Variants in XPNPEP3 observed in about 807,000 individuals in gnomAD.
The protein encoded by XPNPEP3 is xaa-Pro aminopeptidase 3.
In XPNPEP3, 41 loss-of-function variants were observed where a neutral mutation model predicts 60.0. The observed-to-expected ratio is 0.68, with a 90% CI of 0.53 to 0.89. XPNPEP3 has a LOEUF of 0.89. XPNPEP3 is among the 40% of genes least tolerant of loss of function. The probability of loss-of-function intolerance (pLI) is 0.00; values close to 1 mark genes in which losing one functional copy is unlikely to be tolerated. For synonymous variants in XPNPEP3, 212 were observed against 223.2 expected (o/e 0.95, Z 0.45); for missense variants, 598 against 638.9 (o/e 0.94, Z 0.69).
chr22:40,896,953 T>A (rs1044611544), intron 4 of XPNPEP3, among the ~76,000 whole-genome samples: 1 of 152,158 alleles, frequency 6.6e-6, no homozygotes, highest in Admixed American at 6.6e-5. Flanking sequence ...AAGTTCATGT[T>A]GTAGCATTTT....
intron 4 of XPNPEP3, among the ~76,000 whole-genome samples, chr22:40,891,499 A>G (rs909298546): frequency 6.8e-6 from 1 of 146,060 alleles, no homozygotes; most frequent in African/African-American, 2.6e-5. Context: ...CTAAAAATAC[A>G]AAAATTAGCT....
intron 1 of XPNPEP3, chr22:40,861,263 G>C (rs1375675506): frequency 1.9e-6 from 3 of 1,614,006 alleles, no homozygotes; most frequent in African/African-American, 1.3e-5. Flanking sequence ...AATAGTTGTT[G>C]AATGACTGTG....
At chr22:40,910,471 A>C (rs1474907090) in intron 6 of XPNPEP3, among the ~76,000 whole-genome samples, 1 of 151,404 alleles carries the variant, frequency 6.6e-6, no homozygotes, top group Admixed American at 6.6e-5. Context: ...TGGGGAGGTC[A>C]AGGTGGGCAG....
rs1186672318 is a variant in XPNPEP3 at position 40,881,834 on chromosome 22, G to A, written c.246G>A (p.Leu82=). 1 of 1,614,170 alleles carries A rather than the reference G, an allele frequency of 6.2e-7. No homozygotes were observed. Among genetic ancestry groups the A allele is most frequent in the Admixed American group, 1.7e-5 (1 of 60,008 alleles). Residue 82 remains leucine, a synonymous_variant, in exon 3 of 10, where the codon CTG becomes CTA. Transcript: ENST00000357137. ...TTCGCAGACACAAACTAATGTCTCT[G>A]ATCCAGAAGGAAGCTCAAGGGCAGA... ...YALRRHKLMS[L]IQKEAQGQSG... is the part of the protein sequence containing the mutation.
chr22:40,917,247 A>G (rs184979459), intron 7 of XPNPEP3: 1 of 152,180 alleles, frequency 6.6e-6, no homozygotes, highest in Non-Finnish European at 1.5e-5. Flanking sequence ...GTTTTTGCAC[A>G]TTACCTAAGG....
At chr22:40,894,104 T>C (rs1601506506) in intron 4 of XPNPEP3, among the ~76,000 whole-genome samples, 1 of 152,110 alleles carries the variant, frequency 6.6e-6, no homozygotes, top group Non-Finnish European at 1.5e-5. Flanking sequence ...GGCCAGGAGT[T>C]AGAAGCTATA....
At chr22:40,888,335 C>T in intron 4 of XPNPEP3, 1 of 366,854 alleles carries the variant, frequency 2.7e-6, no homozygotes, top group African/African-American at 2.1e-5. Context: ...TCTCGACCTC[C>T]TGGGTTCAAG....
intron 4 of XPNPEP3, among the ~76,000 whole-genome samples, chr22:40,900,109 C>T (rs2058125911): frequency 6.6e-6 from 1 of 151,824 alleles, no homozygotes; most frequent in South Asian, 2.1e-4. Flanking sequence ...GTGACCTAAA[C>T]TTAAGAGCTC....
At chr22:40,920,002 T>G (rs929249813) in intron 7 of XPNPEP3, among the ~76,000 whole-genome samples, 16 of 152,188 alleles carry the variant, frequency 1.1e-4, no homozygotes, top group African/African-American at 3.6e-4. Flanking sequence ...TATATGATGT[T>G]CTAGATTTGG....
chr22:40,880,772 A>T (rs5751003), intron 2 of XPNPEP3, among the ~76,000 whole-genome samples: 3,522 of 148,916 alleles, frequency 0.024, 185 homozygotes, highest in East Asian at 0.2. Flanking sequence ...CCTGGGAGAT[A>T]GCGAGACTCC....
intron 7 of XPNPEP3, among the ~76,000 whole-genome samples, chr22:40,915,437 A>T (rs1197883472): frequency 2.6e-5 from 4 of 151,460 alleles, no homozygotes; most frequent in Non-Finnish European, 4.4e-5. Flanking sequence ...TAGCCTGGGA[A>T]TGGTACTCGG....
At chr22:40,901,732 TG>T (rs1165469694) in intron 4 of XPNPEP3, among the ~76,000 whole-genome samples, 3 of 152,126 alleles carry the variant, frequency 2.0e-5, no homozygotes, top group Non-Finnish European at 2.9e-5. Flanking sequence ...ACCAAAGTGC[TG>T]GGACTACAGG....
Position 40,869,036 on chromosome 22 carries a change from G to A in XPNPEP3, c.102G>A (p.Gln34=). The change falls in exon 2 of 10, where the codon CAG becomes CAA. Residue 34 remains glutamine, a synonymous_variant. Coordinates refer to ENST00000357137, the MANE Select transcript of XPNPEP3 (RefSeq NM_022098.4). The part of the protein sequence containing the change: ...MLCSQRRYSL[Q]PVPERRIPNR... ...GTTCACAGCGAAGGTACTCCCTTCA[G>A]CCTGTCCCAGAAAGGAGGATTCCAA... 6.2e-7 allele frequency: 1 copy of A among 1,614,082 alleles called. No homozygotes were observed. The highest frequency in any genetic ancestry group is 1.7e-5 in the Admixed American group (1 of 60,010).
rs531821969 is a variant in XPNPEP3, at chr22:40,886,050, T to C, written c.590-263T>C. Among the ~76,000 whole-genome samples, 17 of 152,284 alleles carry C rather than the reference T, an allele frequency of 1.1e-4. No homozygotes were observed. The South Asian group carries it at 1.9e-3, about 17-fold the overall frequency. The stretch of plus-strand genomic sequence containing the variant: ...AAAGCTTTAGTCCCGTATCATCCTT[T>C]ATAAAGAACACTGAAGTTTAGGGGC... On this transcript the variant is annotated intron_variant, in intron 3 of 9. Coordinates refer to ENST00000357137, the MANE Select transcript of XPNPEP3 (RefSeq NM_022098.4).
At chr22:40,879,825 G>A (rs560484318) in intron 2 of XPNPEP3, among the ~76,000 whole-genome samples, 17 of 151,796 alleles carry the variant, frequency 1.1e-4, no homozygotes, top group Non-Finnish European at 2.5e-4. Flanking sequence ...CTGGGTGACA[G>A]AGCAAGACTC....
At chr22:40,904,510 CT>C (rs1485592563) in intron 4 of XPNPEP3, among the ~76,000 whole-genome samples, 1 of 152,096 alleles carries the variant, frequency 6.6e-6, no homozygotes. Flanking sequence ...TGAATAGCCA[CT>C]GCCCTCCAGT....
chr22:40,913,797 G>A (rs951411520), intron 6 of XPNPEP3, among the ~76,000 whole-genome samples: 3 of 152,166 alleles, frequency 2.0e-5, no homozygotes, highest in Admixed American at 6.6e-5. Context: ...TTTAGATGCT[G>A]TGTAGATAAA....
intron 4 of XPNPEP3, among the ~76,000 whole-genome samples, chr22:40,889,232 C>T (rs576495059): frequency 4.6e-5 from 7 of 152,134 alleles, no homozygotes; most frequent in Non-Finnish European, 1.0e-4. Context: ...ACTATATTAT[C>T]CAGGCTGGTG....
At position 40,861,935 on chromosome 22, in the gene XPNPEP3, T is replaced by C. The variant is rs529086531; in HGVS notation, c.64+4690T>C. Reference sequence around the variant, plus strand: ...TAAGTGCCACTTTATGATAAGCTTTTTTAATGTCCTCAGGTGAAGCATATC... The same window carrying C: ...TAAGTGCCACTTTATGATAAGCTTTCTTAATGTCCTCAGGTGAAGCATATC... On this transcript the variant is annotated intron_variant, in intron 1 of 9. Coordinates refer to ENST00000357137, the MANE Select transcript of XPNPEP3 (RefSeq NM_022098.4). 380 of 1,613,294 alleles carry C rather than the reference T, an allele frequency of 2.4e-4. 3 individuals are homozygous for C. The South Asian group carries it at 3.9e-3, about 17-fold the overall frequency.
Sources: allele counts gnomAD v4.1 joint callset (sites outside exome capture counted in the v4.1 genomes callset), GRCh38; gene constraint gnomAD v4.1.1; transcripts MANE v1.5; gene names NCBI Gene and HGNC (gene_info 2026-07-23, HGNC 2026-07-21).